The following KCNMA1 variants were observed in gnomAD, a reference collection of about 807,000 sequenced individuals.
The protein encoded by KCNMA1 is Calcium-activated potassium channel subunit alpha-1.
KCNMA1 carries 29 observed loss-of-function variants against 140.0 expected under a neutral mutation model. The observed-to-expected ratio is 0.21, with a 90% CI of 0.15 to 0.28. The LOEUF (loss-of-function observed/expected upper bound fraction) is 0.28, where lower values mean the gene tolerates loss of function less well. Among genes scored for constraint, KCNMA1 ranks in the 10% least tolerant of loss-of-function variants. KCNMA1 has a pLI of 1.00. For synonymous variants in KCNMA1, 612 were observed against 611.9 expected (o/e 1.00, Z 0.00); for missense variants, 880 against 1,602.2 (o/e 0.55, Z 7.70).
In KCNMA1 at chr10:77,307,607, C is replaced by T. The variant is rs762687570; in HGVS notation, c.541-56351G>A. Among the ~76,000 whole-genome samples the T allele has an allele frequency of 5.3e-5, 8 of 152,254 alleles. No individual in the cohort carries two copies. The East Asian group carries it at 9.7e-4, about 18-fold the overall frequency. ...CGTCACCCAGGCTGGAGTGCAGTGG[C>T]GCGATCTTGGCTCACTGCAAGCTCC... On this transcript the variant is annotated intron_variant, in intron 2 of 27. Coordinates refer to ENST00000286628, the MANE Select transcript of KCNMA1 (RefSeq NM_001161352.2).
At chr10:77,415,780 G>A (rs990286101) in intron 1 of KCNMA1, among the ~76,000 whole-genome samples, 2 of 152,202 alleles carry the variant, frequency 1.3e-5, no homozygotes, top group Non-Finnish European at 2.9e-5. Context: ...ATGGCCACAG[G>A]GCAGTGCTGC....
At chr10:77,306,048 G>T (rs757373442) in intron 2 of KCNMA1, among the ~76,000 whole-genome samples, 1 of 152,166 alleles carries the variant, frequency 6.6e-6, no homozygotes, top group Non-Finnish European at 1.5e-5. Flanking sequence ...CACCCCCAGT[G>T]GTGCTCTGGT....
intron 1 of KCNMA1, among the ~76,000 whole-genome samples, chr10:77,452,632 C>T (rs1159269902): frequency 1.3e-5 from 2 of 152,198 alleles, no homozygotes; most frequent in Admixed American, 1.3e-4. Context: ...GACACCACCT[C>T]AAGAGCTGTT....
intron 2 of KCNMA1, among the ~76,000 whole-genome samples, chr10:77,368,328 C>A (rs903241089): frequency 1.3e-5 from 2 of 152,204 alleles, no homozygotes; most frequent in Non-Finnish European, 2.9e-5. Context: ...TATTTGCCAT[C>A]CAAATATCCT....
intron 1 of KCNMA1, among the ~76,000 whole-genome samples, chr10:77,521,055 C>T (rs191622156): frequency 1.1e-4 from 16 of 152,348 alleles, no homozygotes; most frequent in East Asian, 5.8e-4. Context: ...GCAACTGCTA[C>T]GACGTGTCAG....
intron 3 of KCNMA1, among the ~76,000 whole-genome samples, chr10:77,195,927 C>G (rs970239370): frequency 1.3e-5 from 2 of 152,022 alleles, no homozygotes; most frequent in East Asian, 1.9e-4. Context: ...CCAGCCTGGG[C>G]AACGGAGTGA....
intron 3 of KCNMA1, among the ~76,000 whole-genome samples, chr10:77,238,314 C>T (rs556603228): frequency 3.3e-5 from 5 of 152,268 alleles, no homozygotes; most frequent in Non-Finnish European, 7.3e-5. Context: ...CCTGGTGCAA[C>T]AGCAGTGGGT....
chr10:77,032,644 G>A (rs1038197904), intron 15 of KCNMA1, among the ~76,000 whole-genome samples: 18 of 151,884 alleles, frequency 1.2e-4, no homozygotes, highest in African/African-American at 3.9e-4. Flanking sequence ...CAATAAAACT[G>A]TTATAATAAC....
intron 1 of KCNMA1, among the ~76,000 whole-genome samples, chr10:77,501,621 C>G (rs538549297): frequency 2.6e-4 from 40 of 152,312 alleles, no homozygotes; most frequent in South Asian, 1.2e-3. Flanking sequence ...TCCTCCTCCC[C>G]CTGGCAAGAC....
intron 23 of KCNMA1, among the ~76,000 whole-genome samples, chr10:76,927,953 G>C (rs1200746152): frequency 6.6e-6 from 1 of 152,058 alleles, no homozygotes; most frequent in East Asian, 1.9e-4. Context: ...TTGCATTTAG[G>C]AAAAGGAAAA....
chr10:77,457,793 G>A (rs2097785039), intron 1 of KCNMA1, among the ~76,000 whole-genome samples: 1 of 152,172 alleles, frequency 6.6e-6, no homozygotes, highest in Admixed American at 6.5e-5. Context: ...TCCCTAGGAA[G>A]GTCAAGAAGA....
At chr10:77,221,668 T>C (rs1276050637) in intron 3 of KCNMA1, among the ~76,000 whole-genome samples, 2 of 152,160 alleles carry the variant, frequency 1.3e-5, no homozygotes, top group Non-Finnish European at 2.9e-5. Context: ...ACACTTGCTA[T>C]ATACCCGCAA....
At chr10:76,935,878 T>C (rs1157842408) in intron 23 of KCNMA1, among the ~76,000 whole-genome samples, 2 of 152,198 alleles carry the variant, frequency 1.3e-5, no homozygotes, top group Non-Finnish European at 2.9e-5. Context: ...CTTTTTCTTC[T>C]GCACATCCAC....
At chr10:76,996,651 G>T (rs112806443) in intron 19 of KCNMA1, among the ~76,000 whole-genome samples, 3 of 152,226 alleles carry the variant, frequency 2.0e-5, no homozygotes, top group African/African-American at 7.2e-5. Flanking sequence ...CGGCAAGCAT[G>T]GGAAGATGGG....
chr10:77,412,472 T>C (rs2096641053), intron 1 of KCNMA1, among the ~76,000 whole-genome samples: 4 of 152,146 alleles, frequency 2.6e-5, no homozygotes, highest in Admixed American at 2.6e-4. Flanking sequence ...CCTTCTCTCC[T>C]ACCAAAGGGT....
At chr10:77,323,478 T>C (rs571448159) in intron 2 of KCNMA1, among the ~76,000 whole-genome samples, 38 of 152,232 alleles carry the variant, frequency 2.5e-4, no homozygotes, top group Non-Finnish European at 5.1e-4. Context: ...GGGAACCCAG[T>C]TGAGAGTCTG....
At chr10:77,555,518 T>C (rs816863) in intron 1 of KCNMA1, among the ~76,000 whole-genome samples, 13,057 of 152,212 alleles carry the variant, frequency 0.086, 702 homozygotes, top group Admixed American at 0.14. Flanking sequence ...TTCAAGCTTG[T>C]CTTTCTGAAC....
intron 5 of KCNMA1, among the ~76,000 whole-genome samples, chr10:77,147,398 C>T (rs1369279742): frequency 6.6e-6 from 1 of 152,108 alleles, no homozygotes; most frequent in Non-Finnish European, 1.5e-5. Context: ...ATCTCCAATT[C>T]GTCTTTGTCT....
At chr10:77,254,541 A>G (rs978709015) in intron 2 of KCNMA1, among the ~76,000 whole-genome samples, 3 of 152,064 alleles carry the variant, frequency 2.0e-5, no homozygotes, top group African/African-American at 7.2e-5. Context: ...TCTTTTTTAT[A>G]GAGTCATTCT....
Sources: gnomAD v4.1 joint callset for allele counts (sites outside exome capture counted in the v4.1 genomes callset) on GRCh38, gnomAD v4.1.1 for gene constraint, MANE v1.5 for transcripts, NCBI Gene and HGNC (gene_info 2026-07-23, HGNC 2026-07-21) for gene names.